The following CNBD1 variants were observed in gnomAD, a reference collection of about 807,000 sequenced individuals.
CNBD1 encodes cyclic nucleotide-binding domain-containing protein 1.
In CNBD1, 71 loss-of-function variants were observed where a neutral mutation model predicts 54.4. The ratio of observed to expected loss-of-function variants is 1.30; its 90% CI spans 1.08 to 1.59. The LOEUF (loss-of-function observed/expected upper bound fraction) is 1.59, where lower values mean the gene tolerates loss of function less well. CNBD1 is among the 40% of genes most tolerant of loss of function. CNBD1 has a pLI of 0.00. For missense variants in CNBD1, 659 were observed against 518.0 expected, an observed-to-expected ratio of 1.27 and a Z score of -2.64; for synonymous variants, 182 against 170.7, an observed-to-expected ratio of 1.07 and a Z score of -0.51.
At chr8:87,192,167 C>T (rs1342150825) in intron 4 of CNBD1, among the ~76,000 whole-genome samples, 1 of 152,062 alleles carries the variant, frequency 6.6e-6, no homozygotes, top group Non-Finnish European at 1.5e-5. Context: ...AATGGAGTGA[C>T]ATAGACAACT....
At chr8:86,867,919 T>A (rs190560925) in intron 1 of CNBD1, among the ~76,000 whole-genome samples, 189 of 152,274 alleles carry the variant, frequency 1.2e-3, no homozygotes, top group Non-Finnish European at 2.0e-3. Flanking sequence ...CAGAACTGAA[T>A]AGAGCATAAT....
intron 6 of CNBD1, among the ~76,000 whole-genome samples, chr8:87,270,456 C>A (rs9886531): frequency 0.28 from 42,714 of 151,600 alleles, 6,464 homozygotes; most frequent in African/African-American, 0.39. Flanking sequence ...TAAAAGTCAA[C>A]AAATAACAGA....
At chr8:87,010,312 C>T (rs1809190111) in intron 4 of CNBD1, among the ~76,000 whole-genome samples, 3 of 152,112 alleles carry the variant, frequency 2.0e-5, no homozygotes, top group Admixed American at 2.0e-4. Context: ...TTTCATCTCT[C>T]CAAGCTTCAG....
At chr8:87,307,094 ATTAT>A (rs1380451184) in intron 8 of CNBD1, among the ~76,000 whole-genome samples, 9 of 152,218 alleles carry the variant, frequency 5.9e-5, no homozygotes, top group Non-Finnish European at 1.3e-4. Flanking sequence ...AATAGAAGAT[ATTAT>A]TTTGCAACTC....
At chr8:87,299,086 G>A (rs1171981391) in intron 8 of CNBD1, among the ~76,000 whole-genome samples, 1 of 152,130 alleles carries the variant, frequency 6.6e-6, no homozygotes. Flanking sequence ...AGGTTTTCTA[G>A]TGTTTGGAAA....
chr8:87,391,290 C>T lies in CNBD1; in HGVS notation c.214-37256C>T, dbSNP rs528796317. ...AAAAAGATAACGATTGCAGATACCT[C>T]AAATTGATGCACAAATTCAATGCAG... is the stretch of plus-strand genomic sequence containing the variant. On this transcript the variant is annotated intron_variant, in intron 2 of 7. Coordinates refer to the CNBD1 transcript ENST00000521593. Among the ~76,000 whole-genome samples the T allele has an allele frequency of 6.6e-5, 10 of 152,022 alleles. 1 individual carries two copies. In the South Asian group the frequency reaches 1.0e-3, roughly 16 times the overall value.
intron 6 of CNBD1, among the ~76,000 whole-genome samples, chr8:87,267,330 G>T (rs1031522806): frequency 2.6e-5 from 4 of 152,064 alleles, no homozygotes; most frequent in African/African-American, 9.7e-5. Flanking sequence ...AAAATGTACA[G>T]TGAATATTAT....
chr8:87,346,955 T>C (rs1006083006), intron 8 of CNBD1, among the ~76,000 whole-genome samples: 1 of 152,200 alleles, frequency 6.6e-6, no homozygotes, highest in African/African-American at 2.4e-5. Flanking sequence ...TGTTTTTTCA[T>C]TTAATTCAGA....
Position 87,192,742 on chromosome 8 carries a change from GTA to G in CNBD1, c.432-13249_432-13248del, listed in dbSNP as rs552228937. On this transcript the variant is annotated intron_variant, in intron 4 of 10. Coordinates refer to ENST00000518476, the MANE Select transcript of CNBD1 (RefSeq NM_173538.3). ...TATGGATTCCTAATTGTTCTTTCAG[GTA>G]TGTGTAGAGTAAGAAGAAGTCTAGT... Among the ~76,000 whole-genome samples, 33 of 152,224 alleles carry G rather than the reference GTA, an allele frequency of 2.2e-4. 1 individual carries two copies. The South Asian group carries it at 6.6e-3, about 31-fold the overall frequency.
chr8:87,227,926 G>A (rs1213275729), intron 5 of CNBD1, among the ~76,000 whole-genome samples: 2 of 148,832 alleles, frequency 1.3e-5, no homozygotes, highest in Non-Finnish European at 3.0e-5. Flanking sequence ...ATTTCTTGGA[G>A]GCTTTGCTCA....
intron 8 of CNBD1, among the ~76,000 whole-genome samples, chr8:87,337,780 G>A (rs747902982): frequency 2.0e-5 from 3 of 152,118 alleles, no homozygotes; most frequent in Admixed American, 6.5e-5. Context: ...CTTCCTCTTC[G>A]TGGATCATGC....
At chr8:87,081,608 C>T (rs960826315) in intron 4 of CNBD1, among the ~76,000 whole-genome samples, 3 of 151,190 alleles carry the variant, frequency 2.0e-5, no homozygotes, top group East Asian at 1.9e-4. Context: ...CTGGTTCAAG[C>T]GATTCTCCTG....
At chr8:87,113,706 T>G (rs1187875812) in intron 4 of CNBD1, among the ~76,000 whole-genome samples, 1 of 151,972 alleles carries the variant, frequency 6.6e-6, no homozygotes. Flanking sequence ...GATCATGAGG[T>G]CAGGAGATCT....
chr8:87,025,140 G>A (rs745431793), intron 4 of CNBD1, among the ~76,000 whole-genome samples: 6 of 152,086 alleles, frequency 3.9e-5, no homozygotes, highest in Non-Finnish European at 7.4e-5. Flanking sequence ...TCAGCGCTCT[G>A]TGTCTAAAGG....
At chr8:87,260,101 C>T (rs1330137045) in intron 6 of CNBD1, among the ~76,000 whole-genome samples, 1 of 152,152 alleles carries the variant, frequency 6.6e-6, no homozygotes, top group Non-Finnish European at 1.5e-5. Context: ...AGCTACTGAG[C>T]TACAGCACAG....
At chr8:87,191,453 C>T (rs2915522) in intron 4 of CNBD1, among the ~76,000 whole-genome samples, 63,393 of 151,934 alleles carry the variant, frequency 0.42, 14,302 homozygotes, top group Admixed American at 0.51. Flanking sequence ...TCTGGTAACA[C>T]CTTCAGAGAC....
chr8:87,101,919 T>C (rs1483571460), intron 4 of CNBD1, among the ~76,000 whole-genome samples: 3 of 150,600 alleles, frequency 2.0e-5, no homozygotes, highest in African/African-American at 4.9e-5. Flanking sequence ...GACAGAGTCT[T>C]GCTCTGTCAC....
intron 8 of CNBD1, among the ~76,000 whole-genome samples, chr8:87,300,282 G>A (rs554963578): frequency 6.6e-6 from 1 of 152,216 alleles, no homozygotes; most frequent in South Asian, 2.1e-4. Flanking sequence ...TGTAGCCACA[G>A]AGATTAGACA....
chr8:87,259,374 T>A (rs1181987226), intron 6 of CNBD1, among the ~76,000 whole-genome samples: 1 of 152,162 alleles, frequency 6.6e-6, no homozygotes, highest in East Asian at 1.9e-4. Flanking sequence ...ATTGAACAAT[T>A]TTCAAAAGTT....
Sources: gnomAD v4.1 joint callset for allele counts (sites outside exome capture counted in the v4.1 genomes callset) on GRCh38, gnomAD v4.1.1 for gene constraint, MANE v1.5 for transcripts, NCBI Gene and HGNC (gene_info 2026-07-23, HGNC 2026-07-21) for gene names.